Variants in ATP10A observed in about 807,000 individuals in gnomAD.
The protein encoded by ATP10A is ATPase phospholipid transporting 10A (putative), also known as phospholipid-transporting ATPase VA.
In ATP10A, 111 loss-of-function variants were observed where a neutral mutation model predicts 147.8. The observed-to-expected ratio is 0.75, with a 90% CI of 0.64 to 0.88. ATP10A has a LOEUF of 0.88. ATP10A is among the 40% of genes least tolerant of loss of function. ATP10A has a pLI of 0.00. For synonymous variants in ATP10A, 875 were observed against 841.6 expected (o/e 1.04, Z -0.69); for missense variants, 1,927 against 1,959.0 (o/e 0.98, Z 0.31).
chr15:25,789,772 G>A (rs1890327633), intron 1 of ATP10A, among the ~76,000 whole-genome samples: 2 of 152,086 alleles, frequency 1.3e-5, no homozygotes, highest in African/African-American at 4.8e-5. Context: ...ATTTGGGGCT[G>A]GATATCCTTG....
intron 1 of ATP10A, among the ~76,000 whole-genome samples, chr15:25,805,522 G>A (rs979928010): frequency 2.0e-5 from 3 of 152,112 alleles, no homozygotes; most frequent in African/African-American, 7.2e-5. Flanking sequence ...ATTTTGATGG[G>A]GAACTGAATG....
chr15:25,841,012 T>C (rs1471113071), intron 1 of ATP10A, among the ~76,000 whole-genome samples: 1 of 152,226 alleles, frequency 6.6e-6, no homozygotes, highest in Non-Finnish European at 1.5e-5. Flanking sequence ...TGTTCAATTT[T>C]GAGAGTTCTT....
chr15:25,701,016 G>A (rs1473602157), intron 13 of ATP10A, among the ~76,000 whole-genome samples: 2 of 152,118 alleles, frequency 1.3e-5, no homozygotes, highest in African/African-American at 4.8e-5. Context: ...GCCCCGGCCA[G>A]CGTGGCTGTG....
chr15:25,859,035 C>T (rs1274078479), intron 1 of ATP10A, among the ~76,000 whole-genome samples: 1 of 152,204 alleles, frequency 6.6e-6, no homozygotes, highest in Non-Finnish European at 1.5e-5. Flanking sequence ...AAGGTTTCCC[C>T]CCTCACCCCT....
chr15:25,804,054 T>C (rs1891058997), intron 1 of ATP10A, among the ~76,000 whole-genome samples: 1 of 147,640 alleles, frequency 6.8e-6, no homozygotes, highest in Non-Finnish European at 1.5e-5. Context: ...TGTGTCCATA[T>C]GTGTGGTGTG....
chr15:25,839,820 G>T (rs577637439), intron 1 of ATP10A, among the ~76,000 whole-genome samples: 18 of 152,194 alleles, frequency 1.2e-4, no homozygotes, highest in Admixed American at 2.0e-4. Context: ...CTCCCCTAAG[G>T]CCACCATGCC....
At chr15:25,765,453 G>T (rs1390646415) in intron 2 of ATP10A, among the ~76,000 whole-genome samples, 1 of 152,162 alleles carries the variant, frequency 6.6e-6, no homozygotes, top group Non-Finnish European at 1.5e-5. Flanking sequence ...GTTAAAGTCA[G>T]AGACTTAGCG....
At chr15:25,793,762 G>A (rs1396445107) in intron 1 of ATP10A, among the ~76,000 whole-genome samples, 1 of 152,252 alleles carries the variant, frequency 6.6e-6, no homozygotes, top group African/African-American at 2.4e-5. Flanking sequence ...TCCCTCAGAA[G>A]CAAGGGAAAA....
chr15:25,687,948 G>C (rs761352615), intron 15 of ATP10A, 120 bp from the exon 16 acceptor site: 2 of 1,417,658 alleles, frequency 1.4e-6, no homozygotes, highest in Non-Finnish European at 2.0e-6. Flanking sequence ...AACACAGTGC[G>C]AGCGTGGCCG....
chr15:25,740,285 T>C (rs1887515802), intron 2 of ATP10A, among the ~76,000 whole-genome samples: 1 of 151,952 alleles, frequency 6.6e-6, no homozygotes, highest in South Asian at 2.1e-4. Context: ...AGTAAAGAGG[T>C]TCATATTGCT....
Position 25,822,741 on chromosome 15 carries a change from G to T in ATP10A, c.449+39907C>A, listed in dbSNP as rs73368977. Among the ~76,000 whole-genome samples the T allele has an allele frequency of 3.9e-3, 595 of 152,252 alleles. 3 individuals are homozygous for T. Among genetic ancestry groups the T allele is most frequent in the African/African-American group, 0.014 (564 of 41,540 alleles). ...ATAATTATTAGAGAAAATTACCTTA[G>T]AGATAACTATTTCCCCTCACCTTTT... is the stretch of plus-strand genomic sequence containing the variant. On this transcript the variant is annotated intron_variant, in intron 1 of 20. Coordinates refer to ENST00000555815, the MANE Select transcript of ATP10A (RefSeq NM_024490.4).
intron 2 of ATP10A, among the ~76,000 whole-genome samples, chr15:25,757,872 C>T (rs748374260): frequency 0.016 from 1,490 of 94,912 alleles, 24 homozygotes; most frequent in African/African-American, 0.028. Context: ...CTCATTCCGA[C>T]CACCTGCTCC....
At chr15:25,853,742 G>A (rs1286897481) in intron 1 of ATP10A, among the ~76,000 whole-genome samples, 1 of 151,960 alleles carries the variant, frequency 6.6e-6, no homozygotes, top group African/African-American at 2.4e-5. Flanking sequence ...ATAGCACCCA[G>A]GAACAGGCAG....
In ATP10A at chr15:25,707,857, G is replaced by C. The variant is rs112260968; in HGVS notation, c.2575+119C>G. On this transcript the variant is annotated intron_variant, in intron 12 of 20. Coordinates refer to ENST00000555815, the MANE Select transcript of ATP10A (RefSeq NM_024490.4). ...CCTCGGCTGTGCCAGCGTCCTGCCA[G>C]GTGGCTCCCTAACCAAGGCCAGCCT... 1,255 of 1,393,636 alleles carry C rather than the reference G, an allele frequency of 9.0e-4. 19 individuals carry two copies. The African/African-American group carries it at 0.016, about 18-fold the overall frequency. The allele number at this position is 1,393,636 out of a possible 1,614,324, so 86.3% of individuals were successfully genotyped here.
chr15:25,753,389 C>T (rs530457146), intron 2 of ATP10A, among the ~76,000 whole-genome samples: 2 of 151,188 alleles, frequency 1.3e-5, no homozygotes, highest in African/African-American at 4.9e-5. Context: ...TGTTGTCTAA[C>T]TCCATCCATG....
chr15:25,751,936 G>T (rs1343599996), intron 2 of ATP10A, among the ~76,000 whole-genome samples: 2 of 152,008 alleles, frequency 1.3e-5, no homozygotes, highest in Non-Finnish European at 2.9e-5. Flanking sequence ...TAGTCATTAG[G>T]AAAATGCAAA....
chr15:25,830,399 A>G (rs973376640), intron 1 of ATP10A, among the ~76,000 whole-genome samples: 1 of 152,202 alleles, frequency 6.6e-6, no homozygotes, highest in Non-Finnish European at 1.5e-5. Context: ...CAGTTCTGCT[A>G]GAGGGAGTGG....
At chr15:25,749,186 C>T (rs1030787143) in intron 2 of ATP10A, among the ~76,000 whole-genome samples, 1 of 151,044 alleles carries the variant, frequency 6.6e-6, no homozygotes, top group African/African-American at 2.4e-5. Context: ...ACTATATTTA[C>T]TACATGTAAA....
rs756427483 is a variant in ATP10A, at chr15:25,727,250, T to C, written c.757A>G (p.Lys253Glu). 6.2e-7 allele frequency: 1 copy of C among 1,613,854 alleles called. No homozygotes were observed. Among genetic ancestry groups the C allele is most frequent in the African/African-American group, 1.3e-5 (1 of 74,892 alleles). Residue 253 changes from lysine to glutamate, a missense_variant, in exon 4 of 21, where the codon AAA (lysine) becomes GAA (glutamate). Lys to Glu is a moderately conservative substitution (Grantham distance 56). Coordinates refer to ENST00000555815, the MANE Select transcript of ATP10A (RefSeq NM_024490.4). ...FRGCIIHDNG[K>E]KAGLYKENLL... ...TTTTCTTTATACAGCCCGGCCTTTT[T>C]CCCGTTGTCATGTATGCTGTAGAGG...
Sources: allele counts gnomAD v4.1 joint callset (sites outside exome capture counted in the v4.1 genomes callset), GRCh38; gene constraint gnomAD v4.1.1; transcripts MANE v1.5; gene names NCBI Gene and HGNC (gene_info 2026-07-23, HGNC 2026-07-21).